VPS13B: variants seen among roughly 807,000 people sequenced by gnomAD.
VPS13B encodes vacuolar protein sorting 13 homolog B.
Under a neutral mutation model 426.4 loss-of-function variants are expected in VPS13B, and 285 were observed. That is an observed-to-expected ratio of 0.67 (90% CI 0.61 to 0.74). The LOEUF (loss-of-function observed/expected upper bound fraction) is 0.74. Ranked by LOEUF, VPS13B falls within the 30% of genes least tolerant of loss-of-function variation. The pLI, the probability that VPS13B is intolerant of heterozygous loss-of-function variation, is 0.00. For synonymous variants in VPS13B, 1,676 were observed against 1,676.4 expected, an observed-to-expected ratio of 1.00 and a Z score of 0.01; for missense variants, 4,537 against 4,782.6, an observed-to-expected ratio of 0.95 and a Z score of 1.51.
intron 19 of VPS13B, among the ~76,000 whole-genome samples, chr8:99,344,078 T>C (rs1350207594): frequency 1.3e-5 from 2 of 152,146 alleles, no homozygotes; most frequent in East Asian, 3.8e-4. Context: ...GCTATTGTTA[T>C]CAAAACAGGA....
chr8:99,053,726 A>G (rs1297476090), intron 3 of VPS13B, among the ~76,000 whole-genome samples: 2 of 141,972 alleles, frequency 1.4e-5, no homozygotes, highest in African/African-American at 5.3e-5. Flanking sequence ...GTTTTGATAC[A>G]GAATCTCACT....
At chr8:99,476,733 A>G (rs1819710424) in intron 24 of VPS13B, among the ~76,000 whole-genome samples, 1 of 152,198 alleles carries the variant, frequency 6.6e-6, no homozygotes, top group Non-Finnish European at 1.5e-5. Flanking sequence ...TTAAGCAAAA[A>G]TAACTTTTAT....
At chr8:99,821,829 G>A (rs534383795) in intron 50 of VPS13B, among the ~76,000 whole-genome samples, 14 of 152,222 alleles carry the variant, frequency 9.2e-5, no homozygotes, top group African/African-American at 2.4e-4. Flanking sequence ...AGTCACTAAC[G>A]TTCTGAGCAT....
chr8:99,108,699 G>A (rs1451257097), intron 5 of VPS13B, among the ~76,000 whole-genome samples: 1 of 152,060 alleles, frequency 6.6e-6, no homozygotes, highest in Non-Finnish European at 1.5e-5. Context: ...ATATTTTAAA[G>A]TCAGGGAGTA....
intron 17 of VPS13B, among the ~76,000 whole-genome samples, chr8:99,225,280 CT>C (rs369347939): frequency 2.7e-5 from 4 of 148,274 alleles, no homozygotes; most frequent in Non-Finnish European, 6.0e-5. Flanking sequence ...CTTTTCTTTT[CT>C]TTTTTTTTTG....
At chr8:99,384,143 A>G (rs1813987038) in intron 19 of VPS13B, 65 bp from the exon 20 acceptor site, 1 of 1,297,156 alleles carries the variant, frequency 7.7e-7, no homozygotes. Context: ...CATGGTGTAA[A>G]GTGACAAATA....
intron 3 of VPS13B, chr8:99,091,900 G>A (rs1412215615): frequency 1.3e-5 from 2 of 152,232 alleles, no homozygotes; most frequent in Non-Finnish European, 1.5e-5. Flanking sequence ...CAGGGTTGAA[G>A]AGCATAAAGT....
intron 35 of VPS13B, among the ~76,000 whole-genome samples, chr8:99,672,868 G>T (rs769462071): frequency 1.3e-5 from 2 of 151,964 alleles, no homozygotes; most frequent in Non-Finnish European, 2.9e-5. Context: ...TTTGAATTTT[G>T]TCAAATGCTT....
At chr8:99,739,809 A>C (rs1311347437) in intron 39 of VPS13B, among the ~76,000 whole-genome samples, 1 of 152,246 alleles carries the variant, frequency 6.6e-6, no homozygotes, top group African/African-American at 2.4e-5. Context: ...ATCCACACCA[A>C]AACCCCATCT....
chr8:99,864,782 G>C (rs1056181526), intron 58 of VPS13B, among the ~76,000 whole-genome samples: 2 of 152,152 alleles, frequency 1.3e-5, no homozygotes, highest in African/African-American at 4.8e-5. Context: ...CTTTGGATGA[G>C]GTAAAGCGAC....
At chr8:99,635,858 G>A (rs1478383909) in intron 33 of VPS13B, among the ~76,000 whole-genome samples, 1 of 151,914 alleles carries the variant, frequency 6.6e-6, no homozygotes, top group African/African-American at 2.4e-5. Context: ...TTATTCAAAT[G>A]TGGTTTTATT....
intron 24 of VPS13B, among the ~76,000 whole-genome samples, chr8:99,471,820 A>T (rs1819423212): frequency 6.6e-6 from 1 of 152,140 alleles, no homozygotes; most frequent in Non-Finnish European, 1.5e-5. Flanking sequence ...AGTATGGCCC[A>T]CAAAGCCTAG....
intron 21 of VPS13B, among the ~76,000 whole-genome samples, chr8:99,405,407 T>C (rs948333405): frequency 5.3e-5 from 8 of 152,192 alleles, no homozygotes; most frequent in Admixed American, 2.6e-4. Context: ...AGTTGTATCT[T>C]GAATCTTTTT....
chr8:99,429,367 G>C (rs1035589252), intron 21 of VPS13B, among the ~76,000 whole-genome samples: 1 of 149,840 alleles, frequency 6.7e-6, no homozygotes, highest in Non-Finnish European at 1.5e-5. Context: ...TTATTTCTTT[G>C]TTAGCAATGT....
At chr8:99,755,544 C>T (rs1017543170) in intron 39 of VPS13B, among the ~76,000 whole-genome samples, 7 of 152,096 alleles carry the variant, frequency 4.6e-5, no homozygotes, top group Admixed American at 3.9e-4. Context: ...CCGAGGTGGG[C>T]AGATCACCTG....
At chr8:99,134,176 G>T (rs1007163160) in intron 8 of VPS13B, among the ~76,000 whole-genome samples, 1 of 152,120 alleles carries the variant, frequency 6.6e-6, no homozygotes, top group Non-Finnish European at 1.5e-5. Flanking sequence ...ATAGGAACTA[G>T]AAAGAGCCTG....
intron 3 of VPS13B, among the ~76,000 whole-genome samples, chr8:99,045,398 TTG>T (rs1423515300): frequency 6.9e-5 from 3 of 43,676 alleles, no homozygotes; most frequent in African/African-American, 1.1e-4. Context: ...TCTGATGGGA[TTG>T]TTTTTTTTTT....
At chr8:99,513,199 A>C (rs1242392904) in intron 29 of VPS13B, among the ~76,000 whole-genome samples, 3 of 151,144 alleles carry the variant, frequency 2.0e-5, no homozygotes, top group Non-Finnish European at 4.4e-5. Flanking sequence ...ATTGTTATAA[A>C]ACATTCATTT....
chr8:99,404,367 C>T (rs1290393588), intron 21 of VPS13B, among the ~76,000 whole-genome samples: 1 of 152,066 alleles, frequency 6.6e-6, no homozygotes, highest in Non-Finnish European at 1.5e-5. Context: ...TTATAGTTTC[C>T]AGATGAAATT....
Sources: gnomAD v4.1 joint callset for allele counts (sites outside exome capture counted in the v4.1 genomes callset) on GRCh38, gnomAD v4.1.1 for gene constraint, MANE v1.5 for transcripts, NCBI Gene and HGNC (gene_info 2026-07-23, HGNC 2026-07-21) for gene names.